SLC25A17: variants seen among roughly 807,000 people sequenced by gnomAD.
SLC25A17 encodes the protein solute carrier family 25 member 17, also known as peroxisomal membrane protein PMP34.
A neutral mutation model predicts 38.5 loss-of-function variants in SLC25A17; 26 were observed. That is an observed-to-expected ratio of 0.68 (90% confidence interval 0.50 to 0.94). SLC25A17 has a LOEUF of 0.94. SLC25A17 is among the 40% of genes least tolerant of loss of function. SLC25A17 has a pLI of 0.00. For missense variants in SLC25A17, 333 were observed against 372.7 expected, an observed-to-expected ratio of 0.89 and a Z score of 0.88; for synonymous variants, 139 against 136.2, an observed-to-expected ratio of 1.02 and a Z score of -0.14.
At chr22:40,791,837 G>A (rs1455843495) in intron 4 of SLC25A17, among the ~76,000 whole-genome samples, 4 of 152,126 alleles carry the variant, frequency 2.6e-5, no homozygotes, top group Non-Finnish European at 5.9e-5. Context: ...GGAGGTTCCC[G>A]AGAAAACTGA....
chr22:40,785,376 T>G lies in SLC25A17; in HGVS notation c.335-6251A>C, dbSNP rs187720206. ...TCCAGCCCGGGTGACAGAGTGAGACTCCTTCTCAAAAAACAAACAAAAAAA... is the reference window on the plus strand; with the variant it reads ...TCCAGCCCGGGTGACAGAGTGAGACGCCTTCTCAAAAAACAAACAAAAAAA... On this transcript the variant is annotated intron_variant, in intron 4 of 8. Transcript: ENST00000435456. Among the ~76,000 whole-genome samples the G allele has an allele frequency of 9.7e-4, 148 of 152,300 alleles. 3 individuals are homozygous for G. The East Asian group carries it at 0.022, about 23-fold the overall frequency.
At chr22:40,784,311 T>C (rs1371919601) in intron 4 of SLC25A17, among the ~76,000 whole-genome samples, 1 of 152,110 alleles carries the variant, frequency 6.6e-6, no homozygotes, top group Non-Finnish European at 1.5e-5. Flanking sequence ...TAGGCCAGGA[T>C]CACAATATAT....
At chr22:40,788,459 A>C (rs1489164880) in intron 4 of SLC25A17, among the ~76,000 whole-genome samples, 1 of 152,196 alleles carries the variant, frequency 6.6e-6, no homozygotes, top group Non-Finnish European at 1.5e-5. Context: ...TTGGGAGGCC[A>C]ACGCAGACAG....
intron 1 of SLC25A17, among the ~76,000 whole-genome samples, chr22:40,807,336 C>A (rs1393250204): frequency 2.6e-5 from 4 of 152,150 alleles, no homozygotes; most frequent in African/African-American, 9.6e-5. Context: ...CCAAAAGGTA[C>A]AGCAATTTTC....
chr22:40,771,186 C>A (rs1050218088), intron 8 of SLC25A17, among the ~76,000 whole-genome samples: 2 of 152,230 alleles, frequency 1.3e-5, no homozygotes, highest in Non-Finnish European at 2.9e-5. Context: ...CGGCTCACTG[C>A]AAGCTCCGCC....
chr22:40,776,327 A>T (rs906077516), intron 7 of SLC25A17: 7 of 468,076 alleles, frequency 1.5e-5, no homozygotes, highest in African/African-American at 1.4e-4. Flanking sequence ...AATAAAAAAC[A>T]GAAGTTTGAG....
At chr22:40,792,434 G>C in intron 4 of SLC25A17, 91 bp downstream of exon 4, 1 of 982,324 alleles carries the variant, frequency 1.0e-6, no homozygotes, top group Non-Finnish European at 1.4e-6. Flanking sequence ...TATATTCTTT[G>C]TAAGCATTAC....
intron 1 of SLC25A17, among the ~76,000 whole-genome samples, chr22:40,814,465 T>C (rs2057614257): frequency 6.6e-6 from 1 of 152,194 alleles, no homozygotes; most frequent in Non-Finnish European, 1.5e-5. Flanking sequence ...CATTTATGTA[T>C]TAATTAGGTA....
At chr22:40,785,531 C>T (rs976896794) in intron 4 of SLC25A17, among the ~76,000 whole-genome samples, 13 of 152,142 alleles carry the variant, frequency 8.5e-5, no homozygotes, top group African/African-American at 1.9e-4. Flanking sequence ...CAGGCAGACA[C>T]GTGCCAGGAG....
At chr22:40,812,890 A>T (rs1009156214) in intron 1 of SLC25A17, among the ~76,000 whole-genome samples, 7 of 152,240 alleles carry the variant, frequency 4.6e-5, no homozygotes, top group African/African-American at 1.2e-4. Flanking sequence ...ATTTAAAAAA[A>T]TTTTTAAAAA....
In SLC25A17 at chr22:40,794,550, T is replaced by A. The variant is rs369261654; in HGVS notation, c.146A>T (p.His49Leu). Reference protein sequence around the residue: ...VDEKRKSKTTHMVLLEIIKEE... With the variant: ...VDEKRKSKTTLMVLLEIIKEE... Reference sequence around the variant, plus strand: ...TTTAATGATCTCCAGGAGCACCATGTGTGTAGTTTTGGATTTTCTTTTCTC... The same window carrying A: ...TTTAATGATCTCCAGGAGCACCATGAGTGTAGTTTTGGATTTTCTTTTCTC... Residue 49 changes from histidine (H) to leucine (L), a missense_variant, in exon 3 of 9, where the codon CAC becomes CTC. Coordinates refer to ENST00000435456, the MANE Select transcript of SLC25A17 (RefSeq NM_006358.4). The A allele has an allele frequency of 6.2e-7, 1 of 1,611,598 alleles. No individual in the cohort carries two copies. Among genetic ancestry groups the A allele is most frequent in the Non-Finnish European group, 8.5e-7 (1 of 1,178,022 alleles).
At chr22:40,799,197 G>A (rs915821346) in intron 1 of SLC25A17, 114 bp from the exon 2 acceptor site, 19 of 282,492 alleles carry the variant, frequency 6.7e-5, no homozygotes, top group Middle Eastern at 1.1e-3. Flanking sequence ...AGTGGTTTAC[G>A]GCAGCCTTGA....
At chr22:40,775,857 G>A (rs555310282) in intron 7 of SLC25A17, among the ~76,000 whole-genome samples, 22 of 152,170 alleles carry the variant, frequency 1.4e-4, no homozygotes, top group Admixed American at 4.6e-4. Context: ...CACCATGATT[G>A]TAAGTTTCCT....
At chr22:40,787,730 A>C (rs1253612310) in intron 4 of SLC25A17, among the ~76,000 whole-genome samples, 1 of 151,606 alleles carries the variant, frequency 6.6e-6, no homozygotes, top group Non-Finnish European at 1.5e-5. Context: ...CACTTATTTT[A>C]CTGTCTTCGA....
intron 4 of SLC25A17, among the ~76,000 whole-genome samples, chr22:40,791,845 T>C (rs1176762724): frequency 6.6e-6 from 1 of 152,130 alleles, no homozygotes; most frequent in Non-Finnish European, 1.5e-5. Context: ...CCGAGAAAAC[T>C]GAACAGAATT....
At chr22:40,775,452 T>G (rs1351226756) in intron 7 of SLC25A17, among the ~76,000 whole-genome samples, 1 of 48,698 alleles carries the variant, frequency 2.1e-5, no homozygotes, top group Admixed American at 1.5e-4. Context: ...TTTTTTTTTT[T>G]TTTTTTTTTT....
chr22:40,797,003 A>G (rs1436687395), intron 2 of SLC25A17, among the ~76,000 whole-genome samples: 1 of 152,184 alleles, frequency 6.6e-6, no homozygotes, highest in East Asian at 1.9e-4. Context: ...AAAAAAAAGT[A>G]AAAAAGGGAG....
At chr22:40,804,517 T>A (rs1017657840) in intron 1 of SLC25A17, among the ~76,000 whole-genome samples, 1 of 152,218 alleles carries the variant, frequency 6.6e-6, no homozygotes, top group Non-Finnish European at 1.5e-5. Context: ...TTGAGAAATG[T>A]CTATTCAGAG....
Position 40,774,712 on chromosome 22 carries a change from G to C in SLC25A17, c.694-693C>G, listed in dbSNP as rs6002123. On this transcript the variant is annotated intron_variant, in intron 7 of 8. Coordinates refer to ENST00000435456, the MANE Select transcript of SLC25A17 (RefSeq NM_006358.4). ...GAACATCTGCAGTCTAAGCTCTTCA[G>C]ATTATGTGTTTACATTATAAAAGTG... 3.6e-3 allele frequency among the ~76,000 whole-genome samples: 548 copies of C among 152,300 alleles called. 5 individuals are homozygous for C. Among genetic ancestry groups the C allele is most frequent in the African/African-American group, 0.013 (527 of 41,566 alleles).
Sources: allele counts gnomAD v4.1 joint callset (sites outside exome capture counted in the v4.1 genomes callset), GRCh38; gene constraint gnomAD v4.1.1; transcripts MANE v1.5; gene names NCBI Gene and HGNC (gene_info 2026-07-23, HGNC 2026-07-21).